PRUNE2: variants seen among roughly 807,000 people sequenced by gnomAD.
PRUNE2 encodes the protein prune homolog 2 with BCH domain.
In PRUNE2, 164 loss-of-function variants were observed where a neutral mutation model predicts 252.0. That is an observed-to-expected ratio of 0.65 (90% confidence interval 0.57 to 0.74). The LOEUF (loss-of-function observed/expected upper bound fraction) is 0.74, where lower values mean the gene tolerates loss of function less well. PRUNE2 is among the 30% of genes least tolerant of loss of function. The probability of loss-of-function intolerance (pLI) is 0.00; values close to 1 mark genes in which losing one functional copy is unlikely to be tolerated. For synonymous variants in PRUNE2, 1,292 were observed against 1,350.2 expected (o/e 0.96, Z 0.94); for missense variants, 3,495 against 3,711.0 (o/e 0.94, Z 1.51).
intron 4 of PRUNE2, among the ~76,000 whole-genome samples, chr9:76,833,422 T>C (rs1485495537): frequency 6.6e-6 from 1 of 152,152 alleles, no homozygotes; most frequent in East Asian, 1.9e-4. Context: ...GAAATCTTAG[T>C]CAAGTAGAAA....
At chr9:76,771,200 C>A (rs1336627124) in intron 6 of PRUNE2, among the ~76,000 whole-genome samples, 5 of 152,056 alleles carry the variant, frequency 3.3e-5, no homozygotes, top group African/African-American at 1.2e-4. Flanking sequence ...TGAAAGGTTG[C>A]AATTTTGATA....
At chr9:76,873,059 A>G (rs1456374875) in intron 1 of PRUNE2, among the ~76,000 whole-genome samples, 2 of 152,064 alleles carry the variant, frequency 1.3e-5, no homozygotes, top group Non-Finnish European at 1.5e-5. Flanking sequence ...CCACAAACCA[A>G]GGATCATCTG....
chr9:76,802,742 C>A (rs2056647789), intron 6 of PRUNE2, among the ~76,000 whole-genome samples: 1 of 150,948 alleles, frequency 6.6e-6, no homozygotes, highest in South Asian at 2.1e-4. Context: ...AAGCTTCATG[C>A]ACTTTAAATT....
intron 1 of PRUNE2, among the ~76,000 whole-genome samples, chr9:76,905,221 C>T (rs1335459868): frequency 2.7e-4 from 41 of 152,156 alleles, no homozygotes; most frequent in Non-Finnish European, 1.5e-5. Flanking sequence ...CAACTGTTAA[C>T]ATACACAGTG....
At chr9:76,659,856 T>C (rs1850611622) in intron 9 of PRUNE2, among the ~76,000 whole-genome samples, 1 of 150,820 alleles carries the variant, frequency 6.6e-6, no homozygotes, top group South Asian at 2.1e-4. Flanking sequence ...TTACATAAAA[T>C]AAATAACATA....
At chr9:76,899,995 C>T (rs1277059454) in intron 1 of PRUNE2, among the ~76,000 whole-genome samples, 1 of 152,156 alleles carries the variant, frequency 6.6e-6, no homozygotes, top group African/African-American at 2.4e-5. Context: ...GAAAGATGCT[C>T]TCAAAATGAT....
At chr9:76,813,757 TA>T (rs969935851) in intron 6 of PRUNE2, among the ~76,000 whole-genome samples, 16 of 152,196 alleles carry the variant, frequency 1.1e-4, no homozygotes, top group African/African-American at 3.9e-4. Context: ...AAATTTACAA[TA>T]AAAGAATAAA....
intron 6 of PRUNE2, among the ~76,000 whole-genome samples, chr9:76,752,590 G>A (rs2050735700): frequency 6.6e-6 from 1 of 151,946 alleles, no homozygotes; most frequent in African/African-American, 2.4e-5. Context: ...TAAGCTTTCA[G>A]TCTCCTGAAT....
At chr9:76,773,542 C>A (rs1390686852) in intron 6 of PRUNE2, among the ~76,000 whole-genome samples, 3 of 149,500 alleles carry the variant, frequency 2.0e-5, no homozygotes, top group Non-Finnish European at 4.4e-5. Context: ...CTCCCGGGTT[C>A]AAGGGATTCT....
intron 1 of PRUNE2, among the ~76,000 whole-genome samples, chr9:76,855,126 C>T (rs2060186628): frequency 6.8e-6 from 1 of 146,068 alleles, no homozygotes; most frequent in Admixed American, 6.8e-5. Context: ...GAAGAGAAGA[C>T]TTGCTATTTC....
rs2046636849 is a variant in PRUNE2, at chr9:76,710,437, T to C, written c.1837A>G (p.Met613Val). The change falls in exon 8 of 19, where the codon ATG becomes GTG. Residue 613 changes from methionine (M) to valine (V), a missense_variant. Transcript: ENST00000376718. ...NTGKRIPPTP[M>V]NSLVESSPST... The stretch of plus-strand genomic sequence containing the variant: ...GGCGAGCTTTCTACTAAACTATTCA[T>C]GGGTGTTGGTGGGATCCTCTTTCCA... 2 of 1,613,974 alleles carry C rather than the reference T, an allele frequency of 1.2e-6. No homozygotes were observed. The highest frequency in any genetic ancestry group is 1.1e-5 in the South Asian group (1 of 91,086).
At chr9:76,660,797 A>AG (rs1437066655) in intron 9 of PRUNE2, among the ~76,000 whole-genome samples, 3 of 148,732 alleles carry the variant, frequency 2.0e-5, no homozygotes, top group Admixed American at 6.8e-5. Flanking sequence ...AAAAAAAAAA[A>AG]AAAAGAAAGA....
intron 12 of PRUNE2, among the ~76,000 whole-genome samples, chr9:76,643,351 C>T (rs1341109402): frequency 6.6e-6 from 1 of 152,182 alleles, no homozygotes; most frequent in Non-Finnish European, 1.5e-5. Context: ...AAAATGAACA[C>T]AGACTACTCT....
At chr9:76,735,380 G>A (rs1176498092) in intron 6 of PRUNE2, among the ~76,000 whole-genome samples, 1 of 150,610 alleles carries the variant, frequency 6.6e-6, no homozygotes, top group Non-Finnish European at 1.5e-5. Flanking sequence ...TAGAAGCAGA[G>A]TCCCCCACAT....
chr9:76,792,615 C>A (rs2055664125), intron 6 of PRUNE2, among the ~76,000 whole-genome samples: 1 of 152,200 alleles, frequency 6.6e-6, no homozygotes, highest in African/African-American at 2.4e-5. Flanking sequence ...ATTCTATCAG[C>A]AAAACTAACA....
At chr9:76,640,337 CA>C (rs34107219) in intron 12 of PRUNE2, among the ~76,000 whole-genome samples, 1 of 151,874 alleles carries the variant, frequency 6.6e-6, no homozygotes, top group Non-Finnish European at 1.5e-5. Context: ...GACTCTACTG[CA>C]AAAAAATATG....
Position 76,709,703 on chromosome 9 carries a change from G to C in PRUNE2, c.2571C>G (p.Asn857Lys). ...ELLDNSPSEINNEAAPEIWGK... is the reference protein window; with the variant it reads ...ELLDNSPSEIKNEAAPEIWGK... ...CCCAGATTTCTGGAGCTGCTTCATT[G>C]TTTATCTCACTGGGTGAATTGTCCA... The change falls in exon 8 of 19, where the codon AAC becomes AAG. Residue 857 changes from asparagine to lysine, a missense_variant. Asn to Lys is a moderately conservative substitution (Grantham distance 94). Coordinates refer to ENST00000376718, the MANE Select transcript of PRUNE2 (RefSeq NM_015225.3). 6.2e-7 allele frequency: 1 copy of C among 1,613,954 alleles called. No individual in the cohort carries two copies.
At chr9:76,789,109 G>C (rs1303057890) in intron 6 of PRUNE2, among the ~76,000 whole-genome samples, 4 of 152,128 alleles carry the variant, frequency 2.6e-5, no homozygotes, top group Admixed American at 1.3e-4. Flanking sequence ...TTTGTGAAAA[G>C]TACTTTGCAT....
intron 1 of PRUNE2, among the ~76,000 whole-genome samples, chr9:76,900,043 T>C (rs2063078421): frequency 6.6e-6 from 1 of 152,168 alleles, no homozygotes; most frequent in Non-Finnish European, 1.5e-5. Flanking sequence ...TGCCAGCCAT[T>C]GTGGTCATCT....
Sources: gnomAD v4.1 joint callset for allele counts (sites outside exome capture counted in the v4.1 genomes callset) on GRCh38, gnomAD v4.1.1 for gene constraint, MANE v1.5 for transcripts, NCBI Gene and HGNC (gene_info 2026-07-23, HGNC 2026-07-21) for gene names.